GOLGA4: variants seen among roughly 807,000 people sequenced by gnomAD.
GOLGA4 encodes golgin A4.
GOLGA4 carries 169 observed loss-of-function variants against 265.9 expected under a neutral mutation model. The ratio of observed to expected loss-of-function variants is 0.64; its 90% CI spans 0.56 to 0.72. The LOEUF (loss-of-function observed/expected upper bound fraction) is 0.72. Ranked by LOEUF, GOLGA4 falls within the 30% of genes least tolerant of loss-of-function variation. The probability of loss-of-function intolerance (pLI) is 0.00; values close to 1 mark genes in which losing one functional copy is unlikely to be tolerated. For missense variants in GOLGA4, 2,482 were observed against 2,483.4 expected (o/e 1.00, Z 0.01); for synonymous variants, 923 against 855.8 (o/e 1.08, Z -1.37).
intron 2 of GOLGA4, chr3:37,266,884 T>G: frequency 7.8e-7 from 1 of 1,288,806 alleles, no homozygotes; most frequent in Non-Finnish European, 1.0e-6. Context: ...TCTCTCTGAG[T>G]ATACTATCTT....
chr3:37,245,087 A>C (rs2096715285), intron 1 of GOLGA4, among the ~76,000 whole-genome samples: 2 of 152,224 alleles, frequency 1.3e-5, no homozygotes, highest in African/African-American at 4.8e-5. Flanking sequence ...ATGTTGTTTT[A>C]ATAGGTTAAA....
At position 37,326,026 on chromosome 3, in the gene GOLGA4, T is replaced by C; in HGVS notation, c.4140T>C (p.Asn1380=). ...SSLSKQLTDL[N]VQLQNSISLS... ...TTAGTAAACAACTAACTGATTTGAA[T>C]GTTCAGCTTCAAAATAGCATCAGCC... Residue 1380 remains asparagine, a synonymous_variant, in exon 14 of 24, where the codon AAT becomes AAC. Coordinates refer to ENST00000361924, the MANE Select transcript of GOLGA4 (RefSeq NM_002078.5). 1 of 1,613,350 alleles carries C rather than the reference T, an allele frequency of 6.2e-7. No individual in the cohort carries two copies. Among genetic ancestry groups the C allele is most frequent in the Non-Finnish European group, 8.5e-7 (1 of 1,179,462 alleles).
At chr3:37,347,079 A>G (rs1267212954) in intron 20 of GOLGA4, 114 bp from the exon 21 acceptor site, 2 of 589,750 alleles carry the variant, frequency 3.4e-6, no homozygotes, top group East Asian at 2.8e-5. Context: ...ATGATACAAT[A>G]TAAAAGCATG....
chr3:37,326,813 A>G lies in GOLGA4; in HGVS notation c.4927A>G (p.Lys1643Glu). The change falls in exon 14 of 24, where the codon AAA becomes GAA. Residue 1643 changes from lysine to glutamate, a missense_variant. This residue lies in a region of GOLGA4 where 942 missense variants were observed against 983.1 expected (regional missense o/e 0.96). Coordinates refer to ENST00000361924, the MANE Select transcript of GOLGA4 (RefSeq NM_002078.5). ...SAAKLAELKRKAEQKIAAIKK... is the reference protein window; with the variant it reads ...SAAKLAELKREAEQKIAAIKK... ...TGCAAAATTAGCAGAGTTGAAGAGA[A>G]AAGCTGAACAAAAAATTGCTGCCAT... The G allele has an allele frequency of 4.3e-6, 7 of 1,613,804 alleles. No individual in the cohort carries two copies. The highest frequency in any genetic ancestry group is 5.1e-6 in the Non-Finnish European group (6 of 1,179,852).
chr3:37,287,541 T>TTAGTTC (rs1211238844), intron 4 of GOLGA4: 1 of 152,222 alleles, frequency 6.6e-6, no homozygotes, highest in Non-Finnish European at 1.5e-5. Flanking sequence ...TTTGGTATAT[T>TTAGTTC]TAGTTCTAGC....
At chr3:37,302,462 C>A in intron 10 of GOLGA4, 130 bp downstream of exon 10, 1 of 784,830 alleles carries the variant, frequency 1.3e-6, no homozygotes, top group Non-Finnish European at 2.0e-6. Flanking sequence ...ATAAGACACC[C>A]ATCTGCTCAT....
chr3:37,256,670 G>C (rs761242839), intron 2 of GOLGA4, among the ~76,000 whole-genome samples: 2 of 152,120 alleles, frequency 1.3e-5, no homozygotes, highest in Admixed American at 1.3e-4. Context: ...ACTATCCTCA[G>C]AGTAGGGCTT....
intron 2 of GOLGA4, among the ~76,000 whole-genome samples, chr3:37,265,562 T>G (rs2096781449): frequency 6.6e-6 from 1 of 152,174 alleles, no homozygotes; most frequent in African/African-American, 2.4e-5. Context: ...TACTGAGGTA[T>G]GATTGACATG....
rs1195778885 is a variant in GOLGA4 at position 37,271,672 on chromosome 3, T to G, written c.163-10286T>G. On this transcript the variant is annotated intron_variant, in intron 2 of 23. Coordinates refer to ENST00000361924, the MANE Select transcript of GOLGA4 (RefSeq NM_002078.5). ...CCTGGCTTCCCCACTCCCACCCCATTGGATATTTGAAGCAAATTTCAGAAG... is the reference window on the plus strand; with the variant it reads ...CCTGGCTTCCCCACTCCCACCCCATGGGATATTTGAAGCAAATTTCAGAAG... Among the ~76,000 whole-genome samples the G allele has an allele frequency of 2.0e-5, 3 of 152,124 alleles. No homozygotes were observed. The East Asian group carries it at 5.8e-4, about 29-fold the overall frequency.
At chr3:37,322,302 G>T (rs928061391) in intron 13 of GOLGA4, among the ~76,000 whole-genome samples, 1 of 152,124 alleles carries the variant, frequency 6.6e-6, no homozygotes, top group African/African-American at 2.4e-5. Context: ...AATTACACTA[G>T]TGTGTGGCTT....
At chr3:37,265,026 C>G (rs1286970218) in intron 2 of GOLGA4, among the ~76,000 whole-genome samples, 5 of 152,126 alleles carry the variant, frequency 3.3e-5, no homozygotes, top group East Asian at 3.9e-4. Flanking sequence ...CTTATATAAC[C>G]ATAGTACACT....
At chr3:37,251,905 C>T (rs1560270119) in intron 2 of GOLGA4, among the ~76,000 whole-genome samples, 1 of 152,174 alleles carries the variant, frequency 6.6e-6, no homozygotes, top group Non-Finnish European at 1.5e-5. Context: ...TGGTCTTGAA[C>T]TCCTGGGCTC....
intron 2 of GOLGA4, among the ~76,000 whole-genome samples, chr3:37,280,192 C>CAT (rs377041378): frequency 4.6e-5 from 7 of 151,864 alleles, no homozygotes; most frequent in Non-Finnish European, 8.8e-5. Context: ...AATGGTATGT[C>CAT]ATATATATAT....
chr3:37,348,380 A>G (rs1177868715), intron 21 of GOLGA4, among the ~76,000 whole-genome samples: 1 of 152,198 alleles, frequency 6.6e-6, no homozygotes, highest in Non-Finnish European at 1.5e-5. Flanking sequence ...GAAGGGAGAT[A>G]TTAAATCACA....
At chr3:37,291,440 A>G (rs917985079) in intron 5 of GOLGA4, among the ~76,000 whole-genome samples, 2 of 152,176 alleles carry the variant, frequency 1.3e-5, no homozygotes, top group East Asian at 1.9e-4. Context: ...CTATCTATCT[A>G]TTCTCTAATT....
intron 22 of GOLGA4, 82 bp from the exon 23 acceptor site, chr3:37,361,161 A>C (rs1696232156): frequency 1.9e-6 from 2 of 1,052,670 alleles, no homozygotes; most frequent in East Asian, 4.7e-5. Context: ...AATCCTATGA[A>C]CTTCATATAC....
At chr3:37,337,580 A>G (rs2097018462) in intron 18 of GOLGA4, 86 bp from the exon 19 acceptor site, 2 of 851,830 alleles carry the variant, frequency 2.3e-6, no homozygotes, top group Admixed American at 3.8e-5. Flanking sequence ...TAAAAAGACT[A>G]ACAAAAATTT....
intron 7 of GOLGA4, among the ~76,000 whole-genome samples, chr3:37,296,481 T>A (rs2096878647): frequency 6.6e-6 from 1 of 152,200 alleles, no homozygotes; most frequent in Non-Finnish European, 1.5e-5. Flanking sequence ...GAGGTAGAAG[T>A]GTCCGTGGTC....
chr3:37,332,241 T>G (rs2096992948), intron 16 of GOLGA4, among the ~76,000 whole-genome samples: 1 of 152,360 alleles, frequency 6.6e-6, no homozygotes, highest in South Asian at 2.1e-4. Flanking sequence ...TGTGTTTCCT[T>G]TGTACATGCT....
Sources: allele counts gnomAD v4.1 joint callset (sites outside exome capture counted in the v4.1 genomes callset), GRCh38; gene constraint gnomAD v4.1.1; regional missense constraint gnomAD v4.1.1; transcripts MANE v1.5; gene names NCBI Gene and HGNC (gene_info 2026-07-23, HGNC 2026-07-21).